TAF4B: variants seen among roughly 807,000 people sequenced by gnomAD.
The protein encoded by TAF4B is TATA-box binding protein associated factor 4b, also known as transcription initiation factor TFIID subunit 4B.
TAF4B carries 38 observed loss-of-function variants against 86.4 expected under a neutral mutation model. The ratio of observed to expected loss-of-function variants is 0.44; its 90% confidence interval spans 0.34 to 0.58. The LOEUF (loss-of-function observed/expected upper bound fraction) is 0.58. Ranked by LOEUF, TAF4B falls within the 20% of genes least tolerant of loss-of-function variation. TAF4B has a pLI of 0.02. For missense variants in TAF4B, 988 were observed against 1,027.6 expected (o/e 0.96, Z 0.53); for synonymous variants, 388 against 391.2 (o/e 0.99, Z 0.10).
At chr18:26,297,462 C>T (rs1341558170) in intron 9 of TAF4B, among the ~76,000 whole-genome samples, 3 of 152,078 alleles carry the variant, frequency 2.0e-5, no homozygotes, top group African/African-American at 7.2e-5. Flanking sequence ...CAGCTGGACT[C>T]GTAGAGAATT....
intron 13 of TAF4B, among the ~76,000 whole-genome samples, chr18:26,350,486 A>G (rs1237921938): frequency 1.3e-5 from 2 of 152,206 alleles, no homozygotes; most frequent in African/African-American, 4.8e-5. Flanking sequence ...AGCCTGGGCA[A>G]CATAGAGACC....
intron 14 of TAF4B, among the ~76,000 whole-genome samples, chr18:26,358,704 C>T (rs1013248647): frequency 8.6e-5 from 13 of 151,944 alleles, no homozygotes; most frequent in East Asian, 3.9e-4. Flanking sequence ...AGCGAGACTC[C>T]GTCTCAAAAA....
intron 14 of TAF4B, among the ~76,000 whole-genome samples, chr18:26,381,725 C>CTAAATAAA (rs59018457): frequency 0.016 from 2,238 of 144,136 alleles, 28 homozygotes; most frequent in East Asian, 0.039. Context: ...AACTCCGCCT[C>CTAAATAAA]TAAATAAATA....
intron 11 of TAF4B, among the ~76,000 whole-genome samples, chr18:26,323,292 A>G (rs1202772886): frequency 2.6e-5 from 4 of 152,116 alleles, no homozygotes; most frequent in Non-Finnish European, 2.9e-5. Context: ...TGGATGTTCT[A>G]TTCATTATTG....
chr18:26,243,604 C>T (rs1250298964), intron 1 of TAF4B, among the ~76,000 whole-genome samples: 4 of 152,304 alleles, frequency 2.6e-5, no homozygotes, highest in African/African-American at 7.2e-5. Flanking sequence ...AGTCATTCTC[C>T]GTCCAGCTTC....
At chr18:26,271,288 C>G (rs1033119788) in intron 3 of TAF4B, among the ~76,000 whole-genome samples, 6 of 152,126 alleles carry the variant, frequency 3.9e-5, no homozygotes, top group Non-Finnish European at 5.9e-5. Context: ...TCACTTTTAC[C>G]TTGTATTTGA....
intron 10 of TAF4B, among the ~76,000 whole-genome samples, chr18:26,317,939 A>T (rs910678614): frequency 6.6e-6 from 1 of 152,210 alleles, no homozygotes; most frequent in African/African-American, 2.4e-5. Flanking sequence ...CTTCACTTAC[A>T]AAGAGTGATC....
chr18:26,279,576 C>T (rs1359489142), intron 5 of TAF4B, among the ~76,000 whole-genome samples: 3 of 150,136 alleles, frequency 2.0e-5, no homozygotes, highest in Non-Finnish European at 4.4e-5. Flanking sequence ...AACAACAAAG[C>T]CAAGTGGCAT....
chr18:26,286,620 ATTTTT>A, intron 7 of TAF4B, 121 bp downstream of exon 7: 2 of 789,206 alleles, frequency 2.5e-6, no homozygotes, highest in Non-Finnish European at 3.7e-6. Context: ...TGACCAATTA[ATTTTT>A]TTTTTTTTTT....
intron 10 of TAF4B, among the ~76,000 whole-genome samples, chr18:26,317,133 G>A (rs2056920974): frequency 6.6e-6 from 1 of 150,564 alleles, no homozygotes. Context: ...GGGTTCAAGC[G>A]ATTCTCCTGC....
chr18:26,389,908 C>T lies in TAF4B; in HGVS notation c.2485C>T (p.Arg829Cys), dbSNP rs371642224. The T allele has an allele frequency of 2.2e-5, 35 of 1,613,954 alleles. No individual in the cohort carries two copies. Among genetic ancestry groups the T allele is most frequent in the East Asian group, 4.5e-5 (2 of 44,894 alleles). The change falls in exon 15 of 15, where the codon CGT (arginine) becomes TGT (cysteine). Residue 829 changes from arginine to cysteine, a missense_variant. By Grantham distance (180) the Arg-to-Cys change is radical. This residue lies in a region of TAF4B where 216 missense variants were observed against 238.4 expected (regional missense o/e 0.91). Coordinates refer to ENST00000269142, the MANE Select transcript of TAF4B (RefSeq NM_005640.3). The stretch of plus-strand genomic sequence containing the variant: ...CCTGACAGCCACCAAACAGTTGCAT[C>T]GTCCAAGAATCACGAGAATCTGCCT... ...SSLTATKQLH[R>C]PRITRICLRD...
chr18:26,227,635 CTTATT>C (rs1421648550), intron 1 of TAF4B, among the ~76,000 whole-genome samples: 1 of 152,124 alleles, frequency 6.6e-6, no homozygotes, highest in Non-Finnish European at 1.5e-5. Context: ...GTGCGTTGTA[CTTATT>C]TTATTAATTA....
chr18:26,257,842 C>CGTGTGTGTGT lies in TAF4B; in HGVS notation c.344-7293_344-7284dup, dbSNP rs57275139. ...TTCATTTCTGGCTTTCCTCTGCGTG[C>CGTGTGTGTGT]GTGTGTGTGTGTGTGTGTGTGTGTG... On this transcript the variant is annotated intron_variant, in intron 1 of 14. Transcript: ENST00000269142. Among the ~76,000 whole-genome samples the CGTGTGTGTGT allele has an allele frequency of 2.2e-3, 316 of 141,522 alleles. 3 individuals carry two copies. Among genetic ancestry groups the CGTGTGTGTGT allele is most frequent in the East Asian group, 4.3e-3 (20 of 4,610 alleles). The allele number at this position is 141,522 out of a possible 152,430, so 92.8% of individuals were successfully genotyped here.
intron 2 of TAF4B, among the ~76,000 whole-genome samples, chr18:26,265,656 A>G (rs917697025): frequency 2.0e-5 from 3 of 152,042 alleles, no homozygotes; most frequent in Non-Finnish European, 2.9e-5. Context: ...CAAGCTCCCG[A>G]GCTCAGATAA....
intron 1 of TAF4B, among the ~76,000 whole-genome samples, chr18:26,261,974 A>T (rs1283945411): frequency 6.6e-6 from 1 of 152,106 alleles, no homozygotes; most frequent in African/African-American, 2.4e-5. Context: ...TCTAGGAACA[A>T]GGTACTGGGT....
At chr18:26,305,021 C>G (rs1457567689) in intron 9 of TAF4B, 5 of 455,096 alleles carry the variant, frequency 1.1e-5, no homozygotes, top group Non-Finnish European at 1.4e-5. Context: ...TTTTGTTTAA[C>G]TTGGAAATTT....
chr18:26,370,286 C>G (rs2057397841), intron 14 of TAF4B, among the ~76,000 whole-genome samples: 1 of 152,202 alleles, frequency 6.6e-6, no homozygotes, highest in Non-Finnish European at 1.5e-5. Context: ...CTGCAGGTGG[C>G]TGAATTACAG....
rs59018457 is a variant in TAF4B at position 26,381,725 on chromosome 18, CTAAATAAATAAATAAA to C, written c.2422-8090_2422-8075del. On this transcript the variant is annotated intron_variant, in intron 14 of 14. Transcript: ENST00000269142. ...CTGGGCAATGAGCGAAACTCCGCCTCTAAATAAATAAATAAATAAATAAATAAATAAATAAATAAAT... is the reference window on the plus strand; with the variant it reads ...CTGGGCAATGAGCGAAACTCCGCCTCTAAATAAATAAATAAATAAATAAAT... 4.9e-3 allele frequency among the ~76,000 whole-genome samples: 704 copies of C among 144,162 alleles called. 7 individuals are homozygous for C. Among genetic ancestry groups the C allele is most frequent in the African/African-American group, 0.017 (656 of 38,836 alleles). 94.6% of individuals were successfully genotyped at this position (144,162 alleles called of 152,430 possible). A position where few individuals can be genotyped will look rare whatever the true frequency, so the allele number is the denominator to read the frequency against.
At chr18:26,372,841 G>A (rs1181970241) in intron 14 of TAF4B, among the ~76,000 whole-genome samples, 2 of 18,144 alleles carry the variant, frequency 1.1e-4, no homozygotes, top group Non-Finnish European at 7.2e-4. Context: ...ATAGTGGCGG[G>A]TGCTGTAGTC....
Sources: gnomAD v4.1 joint callset for allele counts (sites outside exome capture counted in the v4.1 genomes callset) on GRCh38, gnomAD v4.1.1 for gene constraint, gnomAD v4.1.1 regional missense constraint, MANE v1.5 for transcripts, NCBI Gene and HGNC (gene_info 2026-07-23, HGNC 2026-07-21) for gene names.